ZMYM4: variants seen among roughly 807,000 people sequenced by gnomAD.
The protein encoded by ZMYM4 is zinc finger MYM-type containing 4.
ZMYM4 carries 31 observed loss-of-function variants against 183.2 expected under a neutral mutation model. The ratio of observed to expected loss-of-function variants is 0.17; its 90% CI spans 0.13 to 0.23. The LOEUF (loss-of-function observed/expected upper bound fraction) is 0.23, where lower values mean the gene tolerates loss of function less well. Among genes scored for constraint, ZMYM4 ranks in the 10% least tolerant of loss-of-function variants. ZMYM4 has a pLI of 1.00. For synonymous variants in ZMYM4, 592 were observed against 631.2 expected, an observed-to-expected ratio of 0.94 and a Z score of 0.93; for missense variants, 1,273 against 1,840.3, an observed-to-expected ratio of 0.69 and a Z score of 5.64.
chr1:35,302,380 T>G (rs1308514590), intron 1 of ZMYM4, among the ~76,000 whole-genome samples: 1 of 122,938 alleles, frequency 8.1e-6, no homozygotes, highest in African/African-American at 3.7e-5. Context: ...TAATTTGACT[T>G]TTTTTTTTTT....
chr1:35,375,096 G>T (rs1644306494), intron 7 of ZMYM4, among the ~76,000 whole-genome samples: 1 of 151,148 alleles, frequency 6.6e-6, no homozygotes, highest in African/African-American at 2.4e-5. Flanking sequence ...CCTTTTTGTT[G>T]TTTCAGGTAC....
At chr1:35,378,158 T>C (rs1426547290) in intron 7 of ZMYM4, among the ~76,000 whole-genome samples, 1 of 152,212 alleles carries the variant, frequency 6.6e-6, no homozygotes, top group Non-Finnish European at 1.5e-5. Context: ...GCTCCACTTC[T>C]AGTTCTCTTA....
At chr1:35,356,659 G>A (rs1426418250) in intron 2 of ZMYM4, among the ~76,000 whole-genome samples, 1 of 152,086 alleles carries the variant, frequency 6.6e-6, no homozygotes, top group Non-Finnish European at 1.5e-5. Context: ...AGCTCTGTGA[G>A]GAGGAAGAGT....
intron 2 of ZMYM4, among the ~76,000 whole-genome samples, chr1:35,332,308 A>G (rs1029873521): frequency 2.0e-5 from 3 of 152,038 alleles, no homozygotes; most frequent in African/African-American, 7.2e-5. Context: ...GGTATGTGCT[A>G]CTTAACAAAT....
rs754564872 is a variant in ZMYM4 at position 35,398,890 on chromosome 1, C to G, written c.3280C>G (p.Leu1094Val). 6.2e-7 allele frequency: 1 copy of G among 1,613,946 alleles called. No individual in the cohort carries two copies. The highest frequency in any genetic ancestry group is 8.5e-7 in the Non-Finnish European group (1 of 1,179,980). ...KDQGSTYSGD[L>V]ESEAVSTPHS... ...CCAAGGAAGTACATACAGTGGTGAT[C>G]TTGAATCAGAGGCAGTATCTACTCC... The change falls in exon 22 of 30, where the codon CTT becomes GTT. Residue 1094 changes from leucine (L) to valine (V), a missense_variant. Leu to Val is a conservative substitution (Grantham distance 32). Around this residue, in one of 6 missense-constraint regions of ZMYM4, gnomAD observed 290 missense variants for 353.3 expected, o/e 0.82. Transcript: ENST00000314607.
intron 1 of ZMYM4, 113 bp from the exon 2 acceptor site, chr1:35,325,247 C>T (rs1642457071): frequency 4.2e-6 from 4 of 947,234 alleles, no homozygotes; most frequent in African/African-American, 1.7e-5. Flanking sequence ...ATATTGTGCA[C>T]TTGTCATTTG....
At chr1:35,292,311 T>C (rs938814961) in intron 1 of ZMYM4, 1 of 152,210 alleles carries the variant, frequency 6.6e-6, no homozygotes, top group Non-Finnish European at 1.5e-5. Context: ...CCTGAGCCAG[T>C]TCACTCCTCC....
At chr1:35,339,397 G>T (rs535591013) in intron 2 of ZMYM4, among the ~76,000 whole-genome samples, 2 of 152,162 alleles carry the variant, frequency 1.3e-5, no homozygotes, top group South Asian at 4.1e-4. Context: ...ACCACACCCA[G>T]TTGATTTTTG....
chr1:35,291,069 C>T (rs1417981239), intron 1 of ZMYM4, among the ~76,000 whole-genome samples: 1 of 152,074 alleles, frequency 6.6e-6, no homozygotes, highest in Non-Finnish European at 1.5e-5. Flanking sequence ...AAAATTAGCA[C>T]TATAATCAAG....
At chr1:35,298,605 G>A (rs947382047) in intron 1 of ZMYM4, among the ~76,000 whole-genome samples, 1 of 152,104 alleles carries the variant, frequency 6.6e-6, no homozygotes, top group African/African-American at 2.4e-5. Flanking sequence ...AGACTTGCTG[G>A]GGAGTTGGTC....
In ZMYM4 at chr1:35,356,545, C is replaced by T. The variant is rs533522008; in HGVS notation, c.86-2380C>T. Among the ~76,000 whole-genome samples the T allele has an allele frequency of 1.1e-3, 172 of 152,228 alleles. 1 individual carries two copies. The highest frequency in any genetic ancestry group is 4.0e-3 in the African/African-American group (165 of 41,546). Reference sequence around the variant, plus strand: ...TATTGCCTCTACGTTTATTAGCAAACGTTCTTATGATAGAAACAAGCTTTT... The same window carrying T: ...TATTGCCTCTACGTTTATTAGCAAATGTTCTTATGATAGAAACAAGCTTTT... On this transcript the variant is annotated intron_variant, in intron 2 of 29. Transcript: ENST00000314607.
intron 1 of ZMYM4, among the ~76,000 whole-genome samples, chr1:35,303,415 T>C (rs1357069911): frequency 1.3e-5 from 2 of 152,162 alleles, no homozygotes; most frequent in Non-Finnish European, 2.9e-5. Context: ...GTTTTTTGTT[T>C]GTTTGTTTGT....
intron 2 of ZMYM4, among the ~76,000 whole-genome samples, chr1:35,340,291 C>T (rs1293278675): frequency 6.6e-6 from 1 of 151,972 alleles, no homozygotes; most frequent in Admixed American, 6.6e-5. Context: ...AAGTAGCAGT[C>T]CCCAACCTGT....
At chr1:35,409,231 T>C (rs898400615) in intron 26 of ZMYM4, among the ~76,000 whole-genome samples, 4 of 152,258 alleles carry the variant, frequency 2.6e-5, no homozygotes, top group African/African-American at 4.8e-5. Flanking sequence ...AATACGCTGC[T>C]GTGAACATTC....
chr1:35,365,239 C>CTTTT (rs746304675), intron 5 of ZMYM4, among the ~76,000 whole-genome samples: 11 of 85,292 alleles, frequency 1.3e-4, no homozygotes, highest in Non-Finnish European at 1.5e-4. Flanking sequence ...TAATCAAAGT[C>CTTTT]TTTTTTTTTT....
At chr1:35,277,523 G>A (rs1378635838) in intron 1 of ZMYM4, among the ~76,000 whole-genome samples, 1 of 152,114 alleles carries the variant, frequency 6.6e-6, no homozygotes, top group East Asian at 1.9e-4. Context: ...TACTTTTAGT[G>A]ATACTAAATG....
chr1:35,378,674 C>G (rs1007658330), intron 7 of ZMYM4, among the ~76,000 whole-genome samples: 7 of 152,176 alleles, frequency 4.6e-5, no homozygotes, highest in Non-Finnish European at 8.8e-5. Flanking sequence ...ACAAGTCAGT[C>G]AGCCTGTCCT....
intron 1 of ZMYM4, among the ~76,000 whole-genome samples, chr1:35,282,980 G>GGTTT (rs1640256059): frequency 7.6e-5 from 2 of 26,224 alleles, no homozygotes; most frequent in Non-Finnish European, 2.3e-4. Context: ...TGTGTGTGTG[G>GGTTT]TTTTTTTTTT....
At chr1:35,279,017 C>T (rs1485702768) in intron 1 of ZMYM4, among the ~76,000 whole-genome samples, 3 of 152,186 alleles carry the variant, frequency 2.0e-5, no homozygotes, top group Non-Finnish European at 4.4e-5. Flanking sequence ...GGACAAATTT[C>T]TCTAGGTTTC....
Sources: allele counts gnomAD v4.1 joint callset (sites outside exome capture counted in the v4.1 genomes callset), GRCh38; gene constraint gnomAD v4.1.1; regional missense constraint gnomAD v4.1.1; transcripts MANE v1.5; gene names NCBI Gene and HGNC (gene_info 2026-07-23, HGNC 2026-07-21).